The following GLDC variants were observed in gnomAD, a reference collection of about 807,000 sequenced individuals.
GLDC encodes the protein glycine dehydrogenase (decarboxylating), mitochondrial.
Under a neutral mutation model 121.3 loss-of-function variants are expected in GLDC, and 104 were observed. That is an observed-to-expected ratio of 0.86 (90% CI 0.73 to 1.01). The LOEUF (loss-of-function observed/expected upper bound fraction) is 1.01. Ranked by LOEUF, GLDC falls within the 50% of genes least tolerant of loss-of-function variation. The pLI, the probability that GLDC is intolerant of heterozygous loss-of-function variation, is 0.00. For missense variants in GLDC, 1,429 were observed against 1,306.6 expected, an observed-to-expected ratio of 1.09 and a Z score of -1.44; for synonymous variants, 546 against 480.6, an observed-to-expected ratio of 1.14 and a Z score of -1.78.
intron 16 of GLDC, among the ~76,000 whole-genome samples, chr9:6,559,945 G>A (rs1036192515): frequency 1.3e-5 from 2 of 152,216 alleles, no homozygotes; most frequent in Non-Finnish European, 2.9e-5. Context: ...TGGACAAGGG[G>A]ATGTAGCTTC....
chr9:6,623,315 C>T (rs1415566949), intron 2 of GLDC, among the ~76,000 whole-genome samples: 1 of 138,970 alleles, frequency 7.2e-6, no homozygotes, highest in Non-Finnish European at 1.5e-5. Flanking sequence ...TATGACCTTA[C>T]CCCCAACCCT....
chr9:6,609,393 T>A (rs1429438943), intron 4 of GLDC, among the ~76,000 whole-genome samples: 1 of 152,108 alleles, frequency 6.6e-6, no homozygotes, highest in Admixed American at 6.6e-5. Flanking sequence ...GCCATGGAGA[T>A]AATAGAAGTC....
chr9:6,581,844 C>CA (rs536689312), intron 15 of GLDC, among the ~76,000 whole-genome samples: 13 of 151,990 alleles, frequency 8.6e-5, no homozygotes, highest in Admixed American at 2.0e-4. Context: ...CTTTGTGCAT[C>CA]AAAAAACACT....
chr9:6,633,861 A>C (rs1819442231), intron 2 of GLDC, among the ~76,000 whole-genome samples: 4 of 106,590 alleles, frequency 3.8e-5, no homozygotes, highest in East Asian at 3.3e-4. Flanking sequence ...ACGGAGTCTC[A>C]CTCTGTCGCT....
In GLDC at chr9:6,645,594, G is replaced by A. The variant is rs899098826; in HGVS notation, c.-95C>T. The A allele has an allele frequency of 3.3e-6, 3 of 915,424 alleles. No homozygotes were observed. The highest frequency in any genetic ancestry group is 4.3e-6 in the Non-Finnish European group (3 of 704,228). 56.7% of individuals were successfully genotyped at this position (915,424 alleles called of 1,614,324 possible). A position where few individuals can be genotyped will look rare whatever the true frequency, so the allele number is the denominator to read the frequency against. ...GGTCCCCCGGGTGGCGGCTGCGCCC[G>A]GCCTGGAGCCCCTTTCGCTGGACAG... On this transcript the variant is annotated 5_prime_UTR_variant, in exon 1 of 25. Transcript: ENST00000321612.
intron 21 of GLDC, among the ~76,000 whole-genome samples, chr9:6,543,537 G>A (rs1817315196): frequency 6.6e-6 from 1 of 152,184 alleles, no homozygotes; most frequent in Non-Finnish European, 1.5e-5. Flanking sequence ...TAGCCAAGAG[G>A]TTTAGGAAGA....
intron 2 of GLDC, chr9:6,638,995 C>T (rs577096121): frequency 4.8e-5 from 20 of 420,312 alleles, no homozygotes; most frequent in East Asian, 4.6e-4. Context: ...GGCAACAGAG[C>T]GAGACTCTGT....
intron 17 of GLDC, among the ~76,000 whole-genome samples, chr9:6,557,022 T>C (rs1817647900): frequency 6.6e-6 from 1 of 152,180 alleles, no homozygotes; most frequent in African/African-American, 2.4e-5. Flanking sequence ...TCATATCCAT[T>C]CCTTTCCCTT....
intron 11 of GLDC, 57 bp downstream of exon 11, chr9:6,592,086 C>T: frequency 9.3e-7 from 1 of 1,074,760 alleles, no homozygotes. Context: ...GGATAAGCTA[C>T]TTTTGCTACC....
rs993153919 is a variant in GLDC at position 6,565,594 on chromosome 9, C to A, written c.1851-165G>T. ...AGGAGCTCTGCTGGAGTCAAAAGGT[C>A]TTGAACAATCAAAACAATCAAAGCA... On this transcript the variant is annotated intron_variant, in intron 15 of 24. Transcript: ENST00000321612. 1.6e-5 allele frequency: 11 copies of A among 698,178 alleles called. No individual in the cohort carries two copies. In the African/African-American group the frequency reaches 1.8e-4, roughly 11 times the overall value. The allele number at this position is 698,178 out of a possible 1,614,324, so 43.2% of individuals were successfully genotyped here. A position where few individuals can be genotyped will look rare whatever the true frequency, so the allele number is the denominator to read the frequency against.
chr9:6,532,670 A>G lies in GLDC; in HGVS notation c.*347T>C, dbSNP rs192055239. 66 of 310,808 alleles carry G rather than the reference A, an allele frequency of 2.1e-4. No homozygotes were observed. Among genetic ancestry groups the G allele is most frequent in the African/African-American group, 1.3e-3 (63 of 46,842 alleles). 19.3% of individuals were successfully genotyped at this position (310,808 alleles called of 1,614,324 possible). On this transcript the variant is annotated 3_prime_UTR_variant, in exon 25 of 25. Coordinates refer to ENST00000321612, the MANE Select transcript of GLDC (RefSeq NM_000170.3). ...GCACAGTCCACATGGACTCTTTTGGAACAAAAAAATGTCTATTAAGTCTCC... is the reference window on the plus strand; with the variant it reads ...GCACAGTCCACATGGACTCTTTTGGGACAAAAAAATGTCTATTAAGTCTCC...
intron 3 of GLDC, among the ~76,000 whole-genome samples, chr9:6,615,371 A>T (rs1387175566): frequency 6.6e-6 from 1 of 151,828 alleles, no homozygotes; most frequent in Non-Finnish European, 1.5e-5. Context: ...TGGGGCAAGT[A>T]GTTCAAGATC....
Position 6,620,990 on chromosome 9 carries a change from A to C in GLDC, c.335-671T>G, listed in dbSNP as rs568995187. 4.4e-3 allele frequency among the ~76,000 whole-genome samples: 666 copies of C among 152,258 alleles called. 6 individuals are homozygous for C. Among genetic ancestry groups the C allele is most frequent in the African/African-American group, 0.015 (632 of 41,536 alleles). On this transcript the variant is annotated intron_variant, in intron 2 of 24. Coordinates refer to ENST00000321612, the MANE Select transcript of GLDC (RefSeq NM_000170.3). Reference sequence around the variant, plus strand: ...CAAGACAAGCCTGGGCAAGGCGGTGAAACCCCGTCTCTACCAAAAAAGGCA... The same window carrying C: ...CAAGACAAGCCTGGGCAAGGCGGTGCAACCCCGTCTCTACCAAAAAAGGCA...
intron 15 of GLDC, among the ~76,000 whole-genome samples, chr9:6,586,893 A>T (rs1818282464): frequency 6.6e-6 from 1 of 152,126 alleles, no homozygotes; most frequent in Non-Finnish European, 1.5e-5. Context: ...ACTACAAGGA[A>T]AGCCCCATAT....
rs116286048 is a variant in GLDC at position 6,610,463 on chromosome 9, A to G, written c.471-107T>C. 8.0e-3 allele frequency: 8,704 copies of G among 1,081,526 alleles called. 431 individuals are homozygous for G. In the African/African-American group the frequency reaches 0.11, roughly 14 times the overall value. 67.0% of individuals were successfully genotyped at this position (1,081,526 alleles called of 1,614,324 possible). On this transcript the variant is annotated intron_variant, in intron 3 of 24. Transcript: ENST00000321612. Reference sequence around the variant, plus strand: ...ACCTGAAAATAATTTGCCTATCTTGAGGAGAATTACATAACACACCAGTAA... The same window carrying G: ...ACCTGAAAATAATTTGCCTATCTTGGGGAGAATTACATAACACACCAGTAA...
chr9:6,639,352 C>T (rs1819578625), intron 2 of GLDC: 3 of 945,744 alleles, frequency 3.2e-6, no homozygotes, highest in Non-Finnish European at 5.1e-6. Flanking sequence ...GAGAAACAAG[C>T]TTGACCACTA....
chr9:6,536,387 G>T lies in GLDC; in HGVS notation c.2666-151C>A. The T allele has an allele frequency of 4.0e-6, 3 of 746,286 alleles. No homozygotes were observed. In the East Asian group the frequency reaches 8.1e-5, roughly 20 times the overall value. 46.2% of individuals were successfully genotyped at this position (746,286 alleles called of 1,614,324 possible). ...GTATGTGGGGACTCATCTCAGTGCT[G>T]TTCATAGAAGAAAAATTTAGGAAAC... On this transcript the variant is annotated intron_variant, in intron 22 of 24. Transcript: ENST00000321612.
chr9:6,543,352 C>T (rs1029973616), intron 21 of GLDC, among the ~76,000 whole-genome samples: 1 of 152,078 alleles, frequency 6.6e-6, no homozygotes, highest in African/African-American at 2.4e-5. Flanking sequence ...GGAATGACAC[C>T]AGACAGCAGG....
rs2129719894 is a variant in GLDC, at chr9:6,554,725, G to C, written c.2259C>G (p.His753Gln). ...CTCCGTGGGGAATGCAGAAGGTCTT[G>C]TGAAGATTTAGGTGCGAGACATCAG... ...FGSDVSHLNLHKTFCIPHGGG... is the reference protein window; with the variant it reads ...FGSDVSHLNLQKTFCIPHGGG... The change falls in exon 19 of 25, where the codon CAC becomes CAG. Residue 753 changes from histidine to glutamine, a missense_variant. By Grantham distance (24) the His-to-Gln change is conservative. Transcript: ENST00000321612. 1 of 1,613,380 alleles carries C rather than the reference G, an allele frequency of 6.2e-7. No individual in the cohort carries two copies. Among genetic ancestry groups the C allele is most frequent in the African/African-American group, 1.3e-5 (1 of 75,054 alleles).
Sources: allele counts gnomAD v4.1 joint callset (sites outside exome capture counted in the v4.1 genomes callset), GRCh38; gene constraint gnomAD v4.1.1; transcripts MANE v1.5; gene names NCBI Gene and HGNC (gene_info 2026-07-23, HGNC 2026-07-21).